BMAL1: variants seen among roughly 807,000 people sequenced by gnomAD.
The protein encoded by BMAL1 is basic helix-loop-helix ARNT-like protein 1.
chr11:13,311,817 CGT>C, the BMAL1 span, among the ~76,000 whole-genome samples: 5 of 152,084 alleles, frequency 3.3e-5, no homozygotes, highest in Non-Finnish European at 5.9e-5. Flanking sequence ...GAATCCAGCC[CGT>C]GTTTGGACCC....
At chr11:13,325,683 G>GTGTGTGTA in the BMAL1 span, among the ~76,000 whole-genome samples, 2 of 151,508 alleles carry the variant, frequency 1.3e-5, no homozygotes, top group Admixed American at 1.3e-4. Flanking sequence ...GTGTGTGTGT[G>GTGTGTGTA]TGTGTGTGTG....
At chr11:13,349,415 C>T in the BMAL1 span, among the ~76,000 whole-genome samples, 1 of 152,236 alleles carries the variant, frequency 6.6e-6, no homozygotes, top group African/African-American at 2.4e-5. Flanking sequence ...GGCCACCACT[C>T]TCTTGCTGTG....
At chr11:13,354,221 AAG>A in the BMAL1 span, 3 of 207,908 alleles carry the variant, frequency 1.4e-5, no homozygotes, top group African/African-American at 6.5e-5. Context: ...CCAAACCCCC[AAG>A]CACCAACCTG....
chr11:13,310,059 G>A, the BMAL1 span: 1 of 152,568 alleles, frequency 6.6e-6, no homozygotes, highest in Non-Finnish European at 1.5e-5. Flanking sequence ...GGCCTTCATT[G>A]GTAAGTTTGT....
chr11:13,382,161 A>G, the BMAL1 span, among the ~76,000 whole-genome samples: 1 of 152,210 alleles, frequency 6.6e-6, no homozygotes, highest in Non-Finnish European at 1.5e-5. Context: ...GTAAGAGTAG[A>G]AATCCTGCTT....
the BMAL1 span, among the ~76,000 whole-genome samples, chr11:13,368,999 A>G: frequency 1.3e-5 from 2 of 152,240 alleles, no homozygotes; most frequent in African/African-American, 4.8e-5. Context: ...GCACATTTCA[A>G]TTCAGAAAAG....
chr11:13,360,867 C>T, the BMAL1 span, among the ~76,000 whole-genome samples: 1 of 152,182 alleles, frequency 6.6e-6, no homozygotes, highest in East Asian at 1.9e-4. Context: ...CCTATAATCC[C>T]AGCACTTTGA....
chr11:13,295,004 C>T, the BMAL1 span, among the ~76,000 whole-genome samples: 2 of 152,168 alleles, frequency 1.3e-5, no homozygotes, highest in Admixed American at 1.3e-4. Flanking sequence ...CTGAGCAGTG[C>T]TCCTGGGATG....
the BMAL1 span, among the ~76,000 whole-genome samples, chr11:13,279,404 T>C: frequency 6.6e-6 from 1 of 152,244 alleles, no homozygotes; most frequent in South Asian, 2.1e-4. Flanking sequence ...ACCCCTTTAA[T>C]CTATTATTAA....
At chr11:13,327,434 T>G in the BMAL1 span, among the ~76,000 whole-genome samples, 1 of 152,002 alleles carries the variant, frequency 6.6e-6, no homozygotes, top group African/African-American at 2.4e-5. Flanking sequence ...AAAGATTGTG[T>G]TTTTTTCTCC....
chr11:13,305,958 G>A, the BMAL1 span, among the ~76,000 whole-genome samples: 1 of 152,216 alleles, frequency 6.6e-6, no homozygotes, highest in Non-Finnish European at 1.5e-5. Context: ...ATGCAGAAAA[G>A]GAAATGCAGG....
chr11:13,365,465 G>T, the BMAL1 span: 1 of 1,571,964 alleles, frequency 6.4e-7, no homozygotes, highest in Non-Finnish European at 8.7e-7. Context: ...GTTTCCTACA[G>T]TATGAGAAAT....
chr11:13,319,718 C>T, the BMAL1 span, among the ~76,000 whole-genome samples: 1 of 152,228 alleles, frequency 6.6e-6, no homozygotes, highest in African/African-American at 2.4e-5. Context: ...ATCAGTTGTG[C>T]CAGGTAGCCT....
chr11:13,345,820 C>G, the BMAL1 span, among the ~76,000 whole-genome samples: 9 of 152,176 alleles, frequency 5.9e-5, no homozygotes, highest in Non-Finnish European at 5.9e-5. Flanking sequence ...CCTGTTCCTG[C>G]TCTTGGATCA....
the BMAL1 span, among the ~76,000 whole-genome samples, chr11:13,279,825 C>G: frequency 6.6e-6 from 1 of 152,150 alleles, no homozygotes; most frequent in African/African-American, 2.4e-5. Flanking sequence ...GTAGATGCAG[C>G]CAGTGAATGA....
chr11:13,350,974 A>G, the BMAL1 span, among the ~76,000 whole-genome samples: 1 of 152,202 alleles, frequency 6.6e-6, no homozygotes, highest in Non-Finnish European at 1.5e-5. Flanking sequence ...TGTACTAGAA[A>G]GTATTCTGGG....
At chr11:13,385,614 C>G in the BMAL1 span, 1 of 1,070,838 alleles carries the variant, frequency 9.3e-7, no homozygotes, top group Non-Finnish European at 1.4e-6. Flanking sequence ...CCCACCCCAC[C>G]CCATGCTTCA....
the BMAL1 span, among the ~76,000 whole-genome samples, chr11:13,384,687 T>C: frequency 1.3e-5 from 2 of 152,240 alleles, no homozygotes; most frequent in South Asian, 2.1e-4. Context: ...GAGAATCCAG[T>C]TGAAAATTAT....
the BMAL1 span, among the ~76,000 whole-genome samples, chr11:13,283,982 C>T: frequency 2.0e-5 from 3 of 151,432 alleles, no homozygotes; most frequent in African/African-American, 7.3e-5. Flanking sequence ...TGCAGAGCTC[C>T]TCACTGGGGA....
Sources: gnomAD v4.1 joint callset for allele counts (sites outside exome capture counted in the v4.1 genomes callset) on GRCh38, gnomAD v4.1.1 for gene constraint, MANE v1.5 for transcripts, NCBI Gene and HGNC (gene_info 2026-07-23, HGNC 2026-07-21) for gene names.